MEP1A: variants seen among roughly 807,000 people sequenced by gnomAD.
The protein encoded by MEP1A is N-benzoyl-L-tyrosyl-P-amino-benzoic acid hydrolase subunit alpha.
Under a neutral mutation model 84.5 loss-of-function variants are expected in MEP1A, and 68 were observed. That is an observed-to-expected ratio of 0.80 (90% CI 0.66 to 0.98). The LOEUF is 0.98. Among genes scored for constraint, MEP1A ranks in the 50% least tolerant of loss-of-function variants. The probability of loss-of-function intolerance (pLI) is 0.00; values close to 1 mark genes in which losing one functional copy is unlikely to be tolerated. For synonymous variants in MEP1A, 337 were observed against 336.8 expected, an observed-to-expected ratio of 1.00 and a Z score of -0.01; for missense variants, 887 against 919.9, an observed-to-expected ratio of 0.96 and a Z score of 0.46.
At chr6:46,818,015 T>G (rs1224850755) in intron 6 of MEP1A, among the ~76,000 whole-genome samples, 2 of 152,194 alleles carry the variant, frequency 1.3e-5, no homozygotes, top group Non-Finnish European at 2.9e-5. Flanking sequence ...TATGGTATTT[T>G]TGCAACTTAT....
chr6:46,804,294 G>A (rs1767262270), intron 5 of MEP1A, among the ~76,000 whole-genome samples: 1 of 151,540 alleles, frequency 6.6e-6, no homozygotes, highest in South Asian at 2.1e-4. Context: ...TAGAATTTCG[G>A]TTTATAGTAG....
At chr6:46,814,618 A>G (rs1767589641) in intron 6 of MEP1A, among the ~76,000 whole-genome samples, 1 of 152,146 alleles carries the variant, frequency 6.6e-6, no homozygotes, top group African/African-American at 2.4e-5. Flanking sequence ...GTGTTAAAGA[A>G]TCTTGTTTTG....
rs373623960 is a variant in MEP1A, at chr6:46,805,143, A to T, written c.263-4277A>T. Among the ~76,000 whole-genome samples, 158 of 152,012 alleles carry T rather than the reference A, an allele frequency of 1.0e-3. 1 individual carries two copies. The highest frequency in any genetic ancestry group is 3.7e-3 in the African/African-American group (152 of 41,518). On this transcript the variant is annotated intron_variant, in intron 5 of 13. Transcript: ENST00000230588. ...AGCTACTATGAGTAGCCTTGCACATATTCTTTTATGAAATATATTCTCATA... is the reference window on the plus strand; with the variant it reads ...AGCTACTATGAGTAGCCTTGCACATTTTCTTTTATGAAATATATTCTCATA...
chr6:46,840,833 A>C (rs1237800972), downstream of MEP1A, among the ~76,000 whole-genome samples: 1 of 152,220 alleles, frequency 6.6e-6, no homozygotes, highest in East Asian at 1.9e-4. Context: ...GCCCAGTTGT[A>C]TTATCTCCAA....
chr6:46,798,764 A>G (rs1767124521), intron 4 of MEP1A, 118 bp downstream of exon 4: 1 of 842,904 alleles, frequency 1.2e-6, no homozygotes, highest in Admixed American at 2.1e-5. Flanking sequence ...GAGAAATCTC[A>G]TCTATAATCT....
At chr6:46,820,954 G>A (rs1767758645) in intron 7 of MEP1A, among the ~76,000 whole-genome samples, 1 of 152,090 alleles carries the variant, frequency 6.6e-6, no homozygotes, top group South Asian at 2.1e-4. Flanking sequence ...GCCTTGTGTA[G>A]GTATCTGTTT....
chr6:46,838,591 T>G (rs1768268275), intron 13 of MEP1A, among the ~76,000 whole-genome samples: 1 of 152,228 alleles, frequency 6.6e-6, no homozygotes, highest in Non-Finnish European at 1.5e-5. Context: ...TAGCTTATAT[T>G]CTCAGCCAGT....
Position 46,807,565 on chromosome 6 carries a change from AAAGGAAGGAAGG to A in MEP1A, c.263-1808_263-1797del, listed in dbSNP as rs1221947370. The stretch of plus-strand genomic sequence containing the variant: ...GAAAGAAAGAAAGAAAGAAAGAAAG[AAAGGAAGGAAGG>A]AAGGAAGGAAGGAAGGAAGGAAGGA... On this transcript the variant is annotated intron_variant, in intron 5 of 13. Coordinates refer to ENST00000230588, the MANE Select transcript of MEP1A (RefSeq NM_005588.3). Among the ~76,000 whole-genome samples the A allele has an allele frequency of 2.1e-3, 153 of 71,782 alleles. 1 individual carries two copies. Among genetic ancestry groups the A allele is most frequent in the Middle Eastern group, 6.8e-3 (1 of 148 alleles). The allele number at this position is 71,782 out of a possible 152,430, so 47.1% of individuals were successfully genotyped here. A position where few individuals can be genotyped will look rare whatever the true frequency, so the allele number is the denominator to read the frequency against.
At chr6:46,802,246 T>C (rs1767211860) in intron 5 of MEP1A, among the ~76,000 whole-genome samples, 1 of 151,976 alleles carries the variant, frequency 6.6e-6, no homozygotes, top group Admixed American at 6.6e-5. Context: ...CAGTCTTCTT[T>C]AATTTATCTA....
chr6:46,819,146 C>T (rs984827977), intron 6 of MEP1A, among the ~76,000 whole-genome samples: 1 of 152,104 alleles, frequency 6.6e-6, no homozygotes, highest in Non-Finnish European at 1.5e-5. Flanking sequence ...CCACAGCTTT[C>T]CCTCAGACAA....
chr6:46,830,120 C>T (rs1390464759), intron 10 of MEP1A, among the ~76,000 whole-genome samples: 1 of 151,626 alleles, frequency 6.6e-6, no homozygotes, highest in African/African-American at 2.4e-5. Context: ...TGGTGGCGCG[C>T]GCGCATGTAG....
chr6:46,814,463 T>A (rs1178889920), intron 6 of MEP1A, among the ~76,000 whole-genome samples: 1 of 152,190 alleles, frequency 6.6e-6, no homozygotes, highest in African/African-American at 2.4e-5. Flanking sequence ...TCATCATGTT[T>A]TTGATTTCTT....
At chr6:46,805,621 T>A (rs1767294971) in intron 5 of MEP1A, among the ~76,000 whole-genome samples, 1 of 152,014 alleles carries the variant, frequency 6.6e-6, no homozygotes, top group African/African-American at 2.4e-5. Context: ...TGATAATAAA[T>A]CATCCATCTT....
chr6:46,809,818 A>G (rs1349071065), intron 6 of MEP1A, among the ~76,000 whole-genome samples: 4 of 146,786 alleles, frequency 2.7e-5, no homozygotes, highest in Non-Finnish European at 6.0e-5. Context: ...GTGTGTATAT[A>G]TATATATATT....
At chr6:46,824,770 TATGTATTTAAATAGATGTATTTAA>T (rs1562113425) in intron 7 of MEP1A, among the ~76,000 whole-genome samples, 7 of 46,496 alleles carry the variant, frequency 1.5e-4, no homozygotes, top group South Asian at 7.5e-4. Flanking sequence ...ATATATAAAT[TATGTATTTAAATAGATGTATTTAA>T]ATATATATAA....
chr6:46,812,371 G>T (rs188386054), intron 6 of MEP1A, among the ~76,000 whole-genome samples: 1 of 151,752 alleles, frequency 6.6e-6, no homozygotes, highest in East Asian at 1.9e-4. Context: ...TTCTTTTCTT[G>T]GTTAATCTCA....
intron 6 of MEP1A, among the ~76,000 whole-genome samples, chr6:46,818,977 A>G (rs369143951): frequency 1.4e-5 from 1 of 69,514 alleles, no homozygotes; most frequent in African/African-American, 6.5e-5. Flanking sequence ...AAATAAAAAC[A>G]TTATCTGCCT....
intron 5 of MEP1A, among the ~76,000 whole-genome samples, chr6:46,800,633 T>C (rs1767180257): frequency 6.6e-6 from 1 of 152,250 alleles, no homozygotes; most frequent in African/African-American, 2.4e-5. Flanking sequence ...CCCAGACCAC[T>C]GTGAAAGCAA....
chr6:46,824,520 T>A (rs1300480759), intron 7 of MEP1A, among the ~76,000 whole-genome samples: 1 of 143,378 alleles, frequency 7.0e-6, no homozygotes, highest in Non-Finnish European at 1.5e-5. Context: ...TCTATTTAAA[T>A]ATATATAAAT....
Sources: allele counts gnomAD v4.1 joint callset (sites outside exome capture counted in the v4.1 genomes callset), GRCh38; gene constraint gnomAD v4.1.1; transcripts MANE v1.5; gene names NCBI Gene and HGNC (gene_info 2026-07-23, HGNC 2026-07-21).